FAM185A: variants seen among roughly 807,000 people sequenced by gnomAD.
FAM185A encodes protein FAM185A.
Under a neutral mutation model 45.7 loss-of-function variants are expected in FAM185A, and 21 were observed. The ratio of observed to expected loss-of-function variants is 0.46; its 90% CI spans 0.33 to 0.66. FAM185A has a LOEUF of 0.66. Among genes scored for constraint, FAM185A ranks in the 30% least tolerant of loss-of-function variants. The pLI, the probability that FAM185A is intolerant of heterozygous loss-of-function variation, is 0.03. For missense variants in FAM185A, 305 were observed against 485.4 expected (o/e 0.63, Z 3.49); for synonymous variants, 117 against 194.0 (o/e 0.60, Z 3.30).
the FAM185A span, among the ~76,000 whole-genome samples, chr7:102,848,285 G>A: frequency 2.2e-5 from 1 of 46,498 alleles, no homozygotes; most frequent in Non-Finnish European, 3.6e-5. Context: ...GGCCGGGCGC[G>A]GTGGCTCACG....
downstream of FAM185A, chr7:102,813,487 T>C: frequency 6.2e-7 from 1 of 1,614,160 alleles, no homozygotes; most frequent in Non-Finnish European, 8.5e-7. Flanking sequence ...ATTAGTGTTG[T>C]ATTCCTGCTG....
At chr7:102,794,572 C>T (rs976431642) in intron 7 of FAM185A, among the ~76,000 whole-genome samples, 2 of 151,950 alleles carry the variant, frequency 1.3e-5, no homozygotes, top group African/African-American at 4.8e-5. Context: ...TAAAATGATA[C>T]AGCTACTCTA....
chr7:102,830,423 A>C, the FAM185A span, among the ~76,000 whole-genome samples: 2 of 152,184 alleles, frequency 1.3e-5, no homozygotes, highest in South Asian at 4.1e-4. Context: ...TCTGTGAACT[A>C]TCACTGTTTA....
downstream of FAM185A, chr7:102,813,651 C>T (rs1797606209): frequency 1.0e-6 from 1 of 983,218 alleles, no homozygotes; most frequent in Admixed American, 2.3e-5. Context: ...CACATGAGAC[C>T]TCTCTTGCCT....
chr7:102,757,968 T>C, intron 3 of FAM185A, 22 bp downstream of exon 3: 2 of 1,543,508 alleles, frequency 1.3e-6, no homozygotes, highest in Non-Finnish European at 1.7e-6. Context: ...ACTTTCTTTT[T>C]TTTTTTAGTA....
chr7:102,762,780 CA>C (rs1307871111), intron 4 of FAM185A, among the ~76,000 whole-genome samples: 4 of 150,016 alleles, frequency 2.7e-5, no homozygotes, highest in African/African-American at 9.8e-5. Flanking sequence ...TATTTGAGCC[CA>C]AAATAGCTTA....
chr7:102,810,052 C>A (rs564055489), downstream of FAM185A, among the ~76,000 whole-genome samples: 59 of 152,122 alleles, frequency 3.9e-4, no homozygotes, highest in African/African-American at 1.4e-3. Context: ...AAGGCCTCCC[C>A]AGAAGCCAAG....
chr7:102,814,012 CTA>C (rs1286035584), downstream of FAM185A, among the ~76,000 whole-genome samples: 13 of 151,958 alleles, frequency 8.6e-5, no homozygotes, highest in Non-Finnish European at 1.6e-4. Context: ...GCAGTTTTGT[CTA>C]TAATACACAT....
intron 3 of FAM185A, among the ~76,000 whole-genome samples, chr7:102,759,035 G>A (rs1294450410): frequency 2.0e-5 from 3 of 152,096 alleles, no homozygotes; most frequent in African/African-American, 7.2e-5. Context: ...AAAATACTCT[G>A]TAAATTATAC....
intron 6 of FAM185A, among the ~76,000 whole-genome samples, chr7:102,780,906 C>T (rs1795363081): frequency 6.6e-6 from 1 of 152,190 alleles, no homozygotes; most frequent in African/African-American, 2.4e-5. Context: ...AATACCCTTT[C>T]CTAGTCAAAG....
intron 6 of FAM185A, among the ~76,000 whole-genome samples, chr7:102,784,743 A>T (rs1795665967): frequency 6.6e-6 from 1 of 152,154 alleles, no homozygotes; most frequent in Non-Finnish European, 1.5e-5. Flanking sequence ...ATGGGCAAAA[A>T]CTGGAAGCAT....
the FAM185A span, chr7:102,822,308 G>GTA: frequency 9.5e-7 from 1 of 1,053,192 alleles, no homozygotes; most frequent in Non-Finnish European, 1.5e-6. Context: ...ACAGACTGTG[G>GTA]CTTAAACATC....
chr7:102,822,308 G>T, the FAM185A span: 1 of 1,053,192 alleles, frequency 9.5e-7, no homozygotes, highest in Non-Finnish European at 1.5e-6. Flanking sequence ...ACAGACTGTG[G>T]CTTAAACATC....
intron 7 of FAM185A, 60 bp from the exon 8 acceptor site, chr7:102,808,230 C>A: frequency 9.2e-7 from 1 of 1,091,960 alleles, no homozygotes; most frequent in Non-Finnish European, 1.4e-6. Flanking sequence ...AGATGTGTTG[C>A]TAGGATCTAT....
At chr7:102,849,210 C>G in the FAM185A span, among the ~76,000 whole-genome samples, 1 of 152,190 alleles carries the variant, frequency 6.6e-6, no homozygotes, top group Non-Finnish European at 1.5e-5. Context: ...CTGCATCAAA[C>G]ATCTTCTCCA....
intron 6 of FAM185A, among the ~76,000 whole-genome samples, chr7:102,782,350 A>G (rs1211910845): frequency 6.6e-6 from 1 of 152,196 alleles, no homozygotes; most frequent in Admixed American, 6.5e-5. Context: ...CATAATTGTC[A>G]GATTCACCAA....
chr7:102,767,323 G>A (rs1407884273), intron 4 of FAM185A, among the ~76,000 whole-genome samples: 2 of 150,058 alleles, frequency 1.3e-5, no homozygotes, highest in Non-Finnish European at 3.0e-5. Context: ...GATCATGGAA[G>A]AAGTTTCAGA....
chr7:102,820,107 G>A, the FAM185A span, among the ~76,000 whole-genome samples: 4 of 152,220 alleles, frequency 2.6e-5, no homozygotes, highest in African/African-American at 7.2e-5. Flanking sequence ...TCTACAGTGA[G>A]GACTGTCTTT....
the FAM185A span, among the ~76,000 whole-genome samples, chr7:102,824,540 T>C: frequency 2.0e-5 from 3 of 152,010 alleles, no homozygotes; most frequent in East Asian, 5.8e-4. Context: ...GGCTGGAGTG[T>C]AGTGGCACAA....
Sources: allele counts gnomAD v4.1 joint callset (sites outside exome capture counted in the v4.1 genomes callset), GRCh38; gene constraint gnomAD v4.1.1; transcripts MANE v1.5; gene names NCBI Gene and HGNC (gene_info 2026-07-23, HGNC 2026-07-21).